Variants in SERINC2 observed in about 807,000 individuals in gnomAD.
SERINC2 encodes serine incorporator 2, also known as tumor differentially expressed protein 2.
A neutral mutation model predicts 54.2 loss-of-function variants in SERINC2; 56 were observed. The observed-to-expected ratio is 1.03, with a 90% CI of 0.83 to 1.29. The LOEUF (loss-of-function observed/expected upper bound fraction) is 1.29, where lower values mean the gene tolerates loss of function less well. Ranked by LOEUF, SERINC2 falls within the 50% of genes most tolerant of loss-of-function variation. The pLI is 0.00. For synonymous variants in SERINC2, 272 were observed against 253.1 expected (o/e 1.07, Z -0.71); for missense variants, 614 against 607.4 (o/e 1.01, Z -0.12).
At chr1:31,422,361 C>G (rs181009632) in intron 1 of SERINC2, among the ~76,000 whole-genome samples, 1 of 151,932 alleles carries the variant, frequency 6.6e-6, no homozygotes. Flanking sequence ...GATACGGTCT[C>G]GCTATGCTGC....
Position 31,424,753 on chromosome 1 carries a change from T to A in SERINC2, c.272T>A (p.Leu91Gln), listed in dbSNP as rs1553133266. 1.9e-6 allele frequency: 3 copies of A among 1,611,358 alleles called. No homozygotes were observed. The highest frequency in any genetic ancestry group is 1.7e-4 in the Middle Eastern group (1 of 6,054). Reference sequence around the variant, plus strand: ...CAGGGCCACATCGACTGTGGCTCCCTGCTTGGCTACCGCGCTGTCTACCGC... The same window carrying A: ...CAGGGCCACATCGACTGTGGCTCCCAGCTTGGCTACCGCGCTGTCTACCGC... ...VLQGHIDCGS[L>Q]LGYRAVYRMC... Residue 91 changes from leucine to glutamine, a missense_variant, in exon 3 of 10, where the codon CTG becomes CAG. By Grantham distance (113) the Leu-to-Gln change is moderately radical. Transcript: ENST00000373709.
rs782128177 is a variant in SERINC2, at chr1:31,433,187, T to C, written c.1232+2T>C. 1.9e-6 allele frequency: 3 copies of C among 1,612,770 alleles called. No individual in the cohort carries two copies. The highest frequency in any genetic ancestry group is 2.5e-6 in the Non-Finnish European group (3 of 1,179,320). On this transcript the variant is annotated splice_donor_variant, in intron 9 of 9. Transcript: ENST00000373709. LOFTEE classifies it high-confidence loss of function. Reference sequence around the variant, plus strand: ...GATGACGCTCACCAACTGGTACAAGTGCGTAGCTGGTGGGGCATGGACAGA... The same window carrying C: ...GATGACGCTCACCAACTGGTACAAGCGCGTAGCTGGTGGGGCATGGACAGA...
Position 31,425,666 on chromosome 1 carries a change from G to A in SERINC2, c.473-110G>A, listed in dbSNP as rs923746091. 30 of 1,352,580 alleles carry A rather than the reference G, an allele frequency of 2.2e-5. No homozygotes were observed. The African/African-American group carries it at 3.6e-4, about 16-fold the overall frequency. 83.8% of individuals were successfully genotyped at this position (1,352,580 alleles called of 1,614,324 possible). ...TAGCTAGGGGCTCCCTGAGGGCAGG[G>A]ACTCTGTTCTTCTCAGTGTCCCCGG... is the stretch of plus-strand genomic sequence containing the variant. On this transcript the variant is annotated intron_variant, in intron 4 of 9. Transcript: ENST00000373709.
intron 1 of SERINC2, among the ~76,000 whole-genome samples, chr1:31,416,607 G>C (rs1640786979): frequency 6.6e-6 from 1 of 152,240 alleles, no homozygotes; most frequent in African/African-American, 2.4e-5. Context: ...GTGCATGCTT[G>C]CCTGGGCCAG....
intron 7 of SERINC2, 78 bp downstream of exon 7, chr1:31,429,146 T>C (rs1641126305): frequency 7.6e-7 from 1 of 1,319,558 alleles, no homozygotes; most frequent in East Asian, 2.3e-5. Flanking sequence ...CTGGGGACCC[T>C]CACAGGTGAC....
In SERINC2 at chr1:31,413,945, G is replaced by C. The variant is rs1282358307; in HGVS notation, c.39+641G>C. On this transcript the variant is annotated intron_variant, in intron 1 of 9. Coordinates refer to ENST00000373709, the MANE Select transcript of SERINC2 (RefSeq NM_178865.5). This position sits in a 1 kb window ranked among gnomAD's most constrained non-coding sequence, Gnocchi z 5.0. ...CGGTCCCTTTACCGTCCTCAGTCTG[G>C]CTCGCGCTGCCTCTCAGGCACTTCC... 2.6e-6 allele frequency: 4 copies of C among 1,525,856 alleles called. No homozygotes were observed. The Admixed American group carries it at 8.0e-5, about 31-fold the overall frequency. The allele number at this position is 1,525,856 out of a possible 1,614,324, so 94.5% of individuals were successfully genotyped here. A position where few individuals can be genotyped will look rare whatever the true frequency, so the allele number is the denominator to read the frequency against.
chr1:31,418,148 C>T (rs375267316), intron 1 of SERINC2, among the ~76,000 whole-genome samples: 7 of 152,128 alleles, frequency 4.6e-5, no homozygotes, highest in Non-Finnish European at 8.8e-5. Flanking sequence ...CATGAGCCTC[C>T]GCACCTGGCC....
chr1:31,432,119 T>TGGACAGGGTGGA (rs1557501382), intron 8 of SERINC2, among the ~76,000 whole-genome samples: 1 of 9,726 alleles, frequency 1.0e-4, no homozygotes, highest in Non-Finnish European at 1.8e-4. Context: ...GATAGGGTGG[T>TGGACAGGGTGGA]TAGGGTGGAT....
chr1:31,425,167 C>T (rs923855813), intron 3 of SERINC2, among the ~76,000 whole-genome samples, 163 bp from the exon 4 acceptor site: 3 of 152,102 alleles, frequency 2.0e-5, no homozygotes, highest in African/African-American at 7.2e-5. Context: ...TTTTCCAGGG[C>T]CAGGAGAGAC....
Position 31,413,972 on chromosome 1 carries a change from C to T in SERINC2, c.39+668C>T. ...TCGCGCTGCCTCTCAGGCACTTCCC[C>T]AGCTCGCCCCGGATCATCTGGGCCC... On this transcript the variant is annotated intron_variant, in intron 1 of 9. Coordinates refer to ENST00000373709, the MANE Select transcript of SERINC2 (RefSeq NM_178865.5). The surrounding 1 kb of genome is among the most constrained non-coding windows in gnomAD (Gnocchi z 5.0). The T allele has an allele frequency of 2.0e-6, 3 of 1,529,180 alleles. No homozygotes were observed. The highest frequency in any genetic ancestry group is 2.6e-6 in the Non-Finnish European group (3 of 1,144,382). 94.7% of individuals were successfully genotyped at this position (1,529,180 alleles called of 1,614,324 possible).
At chr1:31,424,393 G>A (rs2148518347) in intron 2 of SERINC2, among the ~76,000 whole-genome samples, 1 of 152,300 alleles carries the variant, frequency 6.6e-6, no homozygotes, top group African/African-American at 2.4e-5. Context: ...GAACACTTTG[G>A]GAACCACTGC....
chr1:31,415,495 G>T (rs782537795), intron 1 of SERINC2, among the ~76,000 whole-genome samples: 1 of 152,246 alleles, frequency 6.6e-6, no homozygotes, highest in Non-Finnish European at 1.5e-5. Flanking sequence ...CACTCGCAGC[G>T]TGGAGCTGTC....
At chr1:31,430,736 C>T in intron 8 of SERINC2, among the ~76,000 whole-genome samples, 1 of 152,330 alleles carries the variant, frequency 6.6e-6, no homozygotes, top group East Asian at 1.9e-4. Flanking sequence ...TTACAAGTCA[C>T]TAGATCATAA....
chr1:31,417,935 C>T (rs1640819322), intron 1 of SERINC2, among the ~76,000 whole-genome samples: 1 of 136,942 alleles, frequency 7.3e-6, no homozygotes, highest in African/African-American at 2.7e-5. Context: ...CGGCTCATTG[C>T]AACTTCCACC....
At chr1:31,425,250 T>G (rs1641007231) in intron 3 of SERINC2, 80 bp from the exon 4 acceptor site, 1 of 1,066,548 alleles carries the variant, frequency 9.4e-7, no homozygotes, top group East Asian at 2.3e-5. Context: ...GGGTGGGGGC[T>G]CTGGGGCCAG....
intron 3 of SERINC2, among the ~76,000 whole-genome samples, 185 bp from the exon 4 acceptor site, chr1:31,425,145 C>T (rs1439973447): frequency 1.1e-4 from 16 of 152,030 alleles, no homozygotes; most frequent in African/African-American, 3.6e-4. Context: ...CTTCCTCCTG[C>T]CCCTTAGGGT....
chr1:31,431,799 G>A (rs1453710252), intron 8 of SERINC2, among the ~76,000 whole-genome samples: 1 of 140,440 alleles, frequency 7.1e-6, no homozygotes, highest in African/African-American at 2.7e-5. Context: ...GGGTGGATAG[G>A]GTGGACAGGG....
chr1:31,413,100 G>C, upstream of SERINC2: 1 of 994,930 alleles, frequency 1.0e-6, no homozygotes, highest in Non-Finnish European at 1.2e-6. This position sits in a 1 kb window ranked among gnomAD's most constrained non-coding sequence, Gnocchi z 5.0. Flanking sequence ...TGCCCCAGGT[G>C]AGTCTGGGGA....
intron 8 of SERINC2, among the ~76,000 whole-genome samples, chr1:31,431,880 G>GGTGGTTAGTGTGGAGAGGGTGGATAGA: frequency 6.7e-6 from 1 of 148,922 alleles, no homozygotes; most frequent in African/African-American, 2.5e-5. Context: ...GGGTGGACAG[G>GGTGGTTAGTGTGGAGAGGGTGGATAGA]GTGGACAGGG....
Sources: allele counts gnomAD v4.1 joint callset (sites outside exome capture counted in the v4.1 genomes callset), GRCh38; gene constraint gnomAD v4.1.1; non-coding constraint Gnocchi (gnomAD v3.1); transcripts MANE v1.5; gene names NCBI Gene and HGNC (gene_info 2026-07-23, HGNC 2026-07-21).